The following GALNTL6 variants were observed in gnomAD, a reference collection of about 807,000 sequenced individuals.
GALNTL6 encodes the protein polypeptide N-acetylgalactosaminyltransferase like 6, also known as polypeptide N-acetylgalactosaminyltransferase-like 6.
In GALNTL6, 46 loss-of-function variants were observed where a neutral mutation model predicts 73.7. The observed-to-expected ratio is 0.62, with a 90% CI of 0.49 to 0.80. The LOEUF is 0.80. Among genes scored for constraint, GALNTL6 ranks in the 30% least tolerant of loss-of-function variants. The probability of loss-of-function intolerance (pLI) is 0.00; values close to 1 mark genes in which losing one functional copy is unlikely to be tolerated. For missense variants in GALNTL6, 604 were observed against 755.0 expected, an observed-to-expected ratio of 0.80 and a Z score of 2.34; for synonymous variants, 259 against 263.7, an observed-to-expected ratio of 0.98 and a Z score of 0.17.
At chr4:171,870,295 T>G (rs1406495992) in intron 2 of GALNTL6, among the ~76,000 whole-genome samples, 3 of 152,180 alleles carry the variant, frequency 2.0e-5, no homozygotes, top group Non-Finnish European at 2.9e-5. Context: ...AGGGAGATAA[T>G]ACATCCTTCT....
chr4:172,198,130 C>T (rs1263503865), intron 2 of GALNTL6, among the ~76,000 whole-genome samples: 2 of 151,614 alleles, frequency 1.3e-5, no homozygotes, highest in African/African-American at 4.8e-5. Context: ...CAAACAAAAC[C>T]CCCAAAACTA....
intron 2 of GALNTL6, among the ~76,000 whole-genome samples, chr4:172,069,537 T>TG (rs1731468411): frequency 4.7e-5 from 1 of 21,356 alleles, no homozygotes; most frequent in Non-Finnish European, 1.3e-4. Context: ...ACACATATAT[T>TG]ATATATAACA....
chr4:172,574,936 A>G (rs1275990534), intron 5 of GALNTL6, among the ~76,000 whole-genome samples: 1 of 32,802 alleles, frequency 3.0e-5, no homozygotes, highest in South Asian at 1.4e-3. Flanking sequence ...ACACACGCAC[A>G]CATACACACA....
Position 172,813,522 on chromosome 4 carries a change from T to G in GALNTL6, c.740-18T>G. ...TAGGCAGGCATGTCATTTCCTATTTTGTGCTTTCATTTTTCAGACCAAATT... is the reference window on the plus strand; with the variant it reads ...TAGGCAGGCATGTCATTTCCTATTTGGTGCTTTCATTTTTCAGACCAAATT... On this transcript the variant is annotated intron_variant, in intron 6 of 12. Coordinates refer to ENST00000506823, the MANE Select transcript of GALNTL6 (RefSeq NM_001034845.3). 6.3e-7 allele frequency: 1 copy of G among 1,582,912 alleles called. No homozygotes were observed. The highest frequency in any genetic ancestry group is 8.7e-7 in the Non-Finnish European group (1 of 1,155,858).
chr4:172,240,566 T>C lies in GALNTL6; in HGVS notation c.247+10802T>C, dbSNP rs1737390568. Among the ~76,000 whole-genome samples the C allele has an allele frequency of 3.3e-5, 5 of 152,268 alleles. No individual in the cohort carries two copies. In the South Asian group the frequency reaches 1.0e-3, roughly 32 times the overall value. On this transcript the variant is annotated intron_variant, in intron 3 of 12. Coordinates refer to ENST00000506823, the MANE Select transcript of GALNTL6 (RefSeq NM_001034845.3). ...ATTTTTTATTCATTTTTTAATTTACTTTTGTCTGACTAAATTAGTTCAGAG... is the reference window on the plus strand; with the variant it reads ...ATTTTTTATTCATTTTTTAATTTACCTTTGTCTGACTAAATTAGTTCAGAG...
intron 7 of GALNTL6, among the ~76,000 whole-genome samples, chr4:172,836,910 A>G (rs1006645984): frequency 1.3e-5 from 2 of 152,234 alleles, no homozygotes; most frequent in Non-Finnish European, 1.5e-5. Context: ...AAGTGCTTCA[A>G]TAATTCATTA....
At chr4:172,620,643 T>A in intron 5 of GALNTL6, among the ~76,000 whole-genome samples, 1 of 152,178 alleles carries the variant, frequency 6.6e-6, no homozygotes, top group East Asian at 1.9e-4. Flanking sequence ...ACTATAAGCA[T>A]TCCTAAATTT....
chr4:172,654,512 A>G (rs1022835327), intron 5 of GALNTL6, among the ~76,000 whole-genome samples: 1 of 152,228 alleles, frequency 6.6e-6, no homozygotes, highest in African/African-American at 2.4e-5. Context: ...TTGTAATAAA[A>G]AATGTTCTAC....
chr4:172,354,847 A>C (rs1386463855), intron 5 of GALNTL6, among the ~76,000 whole-genome samples: 1 of 152,122 alleles, frequency 6.6e-6, no homozygotes, highest in East Asian at 1.9e-4. Context: ...AAATAATGAT[A>C]GTTATATATC....
chr4:172,202,917 T>C (rs1344992594), intron 2 of GALNTL6, among the ~76,000 whole-genome samples: 2 of 152,110 alleles, frequency 1.3e-5, no homozygotes, highest in African/African-American at 4.8e-5. Flanking sequence ...AAAATCAAAA[T>C]TAGGCTTGAG....
At chr4:171,952,527 T>C (rs1738916699) in intron 2 of GALNTL6, among the ~76,000 whole-genome samples, 1 of 152,080 alleles carries the variant, frequency 6.6e-6, no homozygotes, top group African/African-American at 2.4e-5. Flanking sequence ...CAATGACTTA[T>C]TATCAAGTTC....
intron 2 of GALNTL6, among the ~76,000 whole-genome samples, chr4:171,901,948 G>A (rs986344496): frequency 6.6e-6 from 1 of 152,016 alleles, no homozygotes; most frequent in East Asian, 1.9e-4. Flanking sequence ...ACTGGATTTT[G>A]GACATAAAAG....
intron 5 of GALNTL6, among the ~76,000 whole-genome samples, chr4:172,532,246 A>G (rs899716155): frequency 1.3e-5 from 2 of 152,220 alleles, no homozygotes; most frequent in Non-Finnish European, 2.9e-5. Flanking sequence ...TAATGTACTT[A>G]TAAGGACTGG....
At chr4:172,159,386 A>G (rs1454785469) in intron 2 of GALNTL6, among the ~76,000 whole-genome samples, 1 of 152,224 alleles carries the variant, frequency 6.6e-6, no homozygotes, top group Non-Finnish European at 1.5e-5. Context: ...TCGTACAAAT[A>G]AACACACAAT....
At chr4:172,280,059 G>C (rs1738987475) in intron 3 of GALNTL6, among the ~76,000 whole-genome samples, 1 of 152,146 alleles carries the variant, frequency 6.6e-6, no homozygotes, top group Non-Finnish European at 1.5e-5. Flanking sequence ...AAGCAGAATA[G>C]TAATTGTCAG....
chr4:172,073,365 A>G (rs529444353), intron 2 of GALNTL6, among the ~76,000 whole-genome samples: 1 of 152,340 alleles, frequency 6.6e-6, no homozygotes, highest in African/African-American at 2.4e-5. Context: ...TACCAGGCAT[A>G]TGGCAGATAC....
chr4:172,737,865 C>A (rs911763024), intron 5 of GALNTL6, among the ~76,000 whole-genome samples: 4 of 152,174 alleles, frequency 2.6e-5, no homozygotes, highest in African/African-American at 7.2e-5. Context: ...AACTGTCAGA[C>A]CACTGCCTGT....
intron 4 of GALNTL6, among the ~76,000 whole-genome samples, chr4:172,346,908 TA>T (rs1472098297): frequency 6.6e-6 from 1 of 152,152 alleles, no homozygotes; most frequent in Non-Finnish European, 1.5e-5. Context: ...CTTTTTTGTC[TA>T]CCCTTTCTCT....
intron 5 of GALNTL6, among the ~76,000 whole-genome samples, chr4:172,528,977 TTA>T (rs1735073792): frequency 1.5e-4 from 1 of 6,596 alleles, no homozygotes. Context: ...GTGTGTATAT[TTA>T]TACATATGTG....
Sources: allele counts gnomAD v4.1 joint callset (sites outside exome capture counted in the v4.1 genomes callset), GRCh38; gene constraint gnomAD v4.1.1; transcripts MANE v1.5; gene names NCBI Gene and HGNC (gene_info 2026-07-23, HGNC 2026-07-21).